The following RBL1 variants were observed in gnomAD, a reference collection of about 807,000 sequenced individuals.
The protein encoded by RBL1 is RB transcriptional corepressor like 1, also known as retinoblastoma-like protein 1.
RBL1 carries 82 observed loss-of-function variants against 123.0 expected under a neutral mutation model. The observed-to-expected ratio is 0.67, with a 90% CI of 0.56 to 0.80. The LOEUF (loss-of-function observed/expected upper bound fraction) is 0.80. Ranked by LOEUF, RBL1 falls within the 30% of genes least tolerant of loss-of-function variation. RBL1 has a pLI of 0.00. For synonymous variants in RBL1, 405 were observed against 441.3 expected (o/e 0.92, Z 1.03); for missense variants, 1,171 against 1,299.6 (o/e 0.90, Z 1.52).
intron 1 of RBL1, among the ~76,000 whole-genome samples, chr20:37,089,363 G>T (rs1376986842): frequency 6.6e-6 from 1 of 151,964 alleles, no homozygotes; most frequent in Non-Finnish European, 1.5e-5. Flanking sequence ...TTAATCTAAA[G>T]ATAAAAGCCT....
Position 37,067,132 on chromosome 20 carries a change from GAA to G in RBL1, c.557-13_557-12del, listed in dbSNP as rs371434822. On this transcript the variant is annotated splice_polypyrimidine_tract_variant and intron_variant, in intron 4 of 21. Coordinates refer to ENST00000373664, the MANE Select transcript of RBL1 (RefSeq NM_002895.5). ...TCATCCGAAAATTACCTTTATAAGG[GAA>G]AAAAAAAAAAAAAAGACACAAAAAC... is the stretch of plus-strand genomic sequence containing the variant. 0.012 allele frequency: 16,019 copies of G among 1,348,574 alleles called. No homozygotes were observed. Among genetic ancestry groups the G allele is most frequent in the Admixed American group, 0.026 (973 of 37,170 alleles). 83.5% of individuals were successfully genotyped at this position (1,348,574 alleles called of 1,614,324 possible).
chr20:37,000,918 G>A (rs1220555025), intron 21 of RBL1, among the ~76,000 whole-genome samples: 7 of 140,538 alleles, frequency 5.0e-5, no homozygotes, highest in Middle Eastern at 4.4e-3. Context: ...CCCCCCGCCC[G>A]GCCAGCCGCC....
chr20:37,092,240 G>A (rs2065659692), intron 1 of RBL1, among the ~76,000 whole-genome samples: 1 of 152,062 alleles, frequency 6.6e-6, no homozygotes. Flanking sequence ...AGAGCCTTTG[G>A]ATACAGGCTA....
chr20:37,023,802 G>A (rs1216592043), intron 16 of RBL1, among the ~76,000 whole-genome samples: 2 of 123,670 alleles, frequency 1.6e-5, no homozygotes, highest in South Asian at 5.0e-4. Context: ...TTTTTGAGAC[G>A]GAGTCTCACT....
intron 2 of RBL1, among the ~76,000 whole-genome samples, chr20:37,084,832 C>A (rs1346064831): frequency 6.6e-6 from 1 of 152,202 alleles, no homozygotes; most frequent in Non-Finnish European, 1.5e-5. Context: ...ATAGCACAAT[C>A]TCGGCTCACT....
rs749128314 is a variant in RBL1, at chr20:37,066,921, A to C, written c.686-37T>G. On this transcript the variant is annotated intron_variant, in intron 5 of 21. Transcript: ENST00000373664. ...GTGTAGGAAGGGCAGAGGGAAAAAA[A>C]AATAGTCAACTTTTAAAAATCTTTT... The C allele has an allele frequency of 5.6e-6, 9 of 1,598,920 alleles. No individual in the cohort carries two copies. The South Asian group carries it at 1.0e-4, about 18-fold the overall frequency.
chr20:37,041,030 A>G (rs1371354928), intron 13 of RBL1, among the ~76,000 whole-genome samples: 2 of 152,214 alleles, frequency 1.3e-5, no homozygotes, highest in African/African-American at 2.4e-5. Flanking sequence ...GAGTGGCCCA[A>G]TAAGTTACTG....
At chr20:37,012,925 G>GC (rs1204334159) in intron 19 of RBL1, among the ~76,000 whole-genome samples, 12 of 145,904 alleles carry the variant, frequency 8.2e-5, no homozygotes, top group Admixed American at 3.4e-4. Flanking sequence ...GGGGGGTTCA[G>GC]CCCCCCCGCC....
intron 2 of RBL1, among the ~76,000 whole-genome samples, chr20:37,069,059 C>G (rs2146306605): frequency 6.6e-6 from 1 of 152,390 alleles, no homozygotes; most frequent in South Asian, 2.1e-4. Context: ...AGGCCGGTCT[C>G]CAGCCCCTAA....
chr20:37,008,686 A>T (rs1419328876), intron 19 of RBL1, among the ~76,000 whole-genome samples: 1 of 152,238 alleles, frequency 6.6e-6, no homozygotes, highest in Non-Finnish European at 1.5e-5. Context: ...ACTGGCCTAC[A>T]AACATTGAGA....
At chr20:37,044,384 C>G in intron 12 of RBL1, 134 bp from the exon 13 acceptor site, 5 of 842,076 alleles carry the variant, frequency 5.9e-6, no homozygotes, top group Non-Finnish European at 9.0e-6. Context: ...GTTGCCCAGG[C>G]TGGAGTACAG....
intron 2 of RBL1, among the ~76,000 whole-genome samples, chr20:37,084,495 A>G (rs2065508106): frequency 6.6e-6 from 1 of 152,094 alleles, no homozygotes; most frequent in Non-Finnish European, 1.5e-5. Context: ...TTTTAAAAAG[A>G]AAAAACACCA....
chr20:37,085,647 A>ATTTTTTTTT (rs1202673380), intron 2 of RBL1, among the ~76,000 whole-genome samples: 16 of 84,606 alleles, frequency 1.9e-4, no homozygotes, highest in Non-Finnish European at 1.9e-4. Flanking sequence ...TTGAAATTTG[A>ATTTTTTTTT]TTTTTTTTTT....
intron 2 of RBL1, among the ~76,000 whole-genome samples, chr20:37,079,221 A>AAC (rs2065411617): frequency 6.6e-6 from 1 of 150,876 alleles, no homozygotes; most frequent in South Asian, 2.1e-4. Context: ...AAAAAAAAAA[A>AAC]CCCTCAAATG....
intron 1 of RBL1, among the ~76,000 whole-genome samples, chr20:37,091,423 C>T (rs1391332995): frequency 1.3e-5 from 2 of 151,580 alleles, no homozygotes; most frequent in African/African-American, 4.8e-5. Context: ...AACCCCAGCA[C>T]TTTGGGAGGC....
At position 36,998,895 on chromosome 20, in the gene RBL1, C is replaced by T. The variant is rs1701793688; in HGVS notation, c.3071G>A (p.Gly1024Asp). ...LKDINNMIRQ[G>D]EQRTKKRVIA... ...TACTCGCTTCTTGGTTCTCTGCTCA[C>T]CTTGCCTTATCATGTTGTTGATATC... is the stretch of plus-strand genomic sequence containing the variant. The change falls in exon 22 of 22, where the codon GGT becomes GAT. Residue 1024 changes from glycine (G) to aspartate (D), a missense_variant. Gly to Asp is a moderately conservative substitution (Grantham distance 94). Coordinates refer to ENST00000373664, the MANE Select transcript of RBL1 (RefSeq NM_002895.5). 6.2e-7 allele frequency: 1 copy of T among 1,613,576 alleles called. No homozygotes were observed. Among genetic ancestry groups the T allele is most frequent in the Non-Finnish European group, 8.5e-7 (1 of 1,179,808 alleles).
chr20:37,044,046 T>A lies in RBL1; in HGVS notation c.1770+40A>T, dbSNP rs763874252. ...TCAATAAAGCTGGTTTTTTTTTTTT[T>A]TTTTTTAATGATACGATTATCAGCC... On this transcript the variant is annotated intron_variant, in intron 13 of 21. Transcript: ENST00000373664. 7.0e-6 allele frequency: 10 copies of A among 1,425,706 alleles called. No homozygotes were observed. In the South Asian group the frequency reaches 1.6e-4, roughly 23 times the overall value. The allele number at this position is 1,425,706 out of a possible 1,614,324, so 88.3% of individuals were successfully genotyped here.
At position 37,002,639 on chromosome 20, in the gene RBL1, C is replaced by T. The variant is rs143409986; in HGVS notation, c.3036+1063G>A. ...CAGGCATGAGCCACCGTGCCCGGCCCTAATCTGTTTTAACAAGCCCTCCCA... is the reference window on the plus strand; with the variant it reads ...CAGGCATGAGCCACCGTGCCCGGCCTTAATCTGTTTTAACAAGCCCTCCCA... On this transcript the variant is annotated intron_variant, in intron 21 of 21. Transcript: ENST00000373664. Among the ~76,000 whole-genome samples the T allele has an allele frequency of 4.4e-3, 663 of 151,282 alleles. 7 individuals are homozygous for T. Among genetic ancestry groups the T allele is most frequent in the African/African-American group, 0.015 (637 of 41,278 alleles).
At chr20:37,067,766 C>CAAAAAAAAAA (rs1168742059) in intron 3 of RBL1, among the ~76,000 whole-genome samples, 4 of 62,682 alleles carry the variant, frequency 6.4e-5, no homozygotes, top group African/African-American at 1.6e-4. Flanking sequence ...TGAGACTCCT[C>CAAAAAAAAAA]AAAAAAAAAA....
Sources: gnomAD v4.1 joint callset for allele counts (sites outside exome capture counted in the v4.1 genomes callset) on GRCh38, gnomAD v4.1.1 for gene constraint, MANE v1.5 for transcripts, NCBI Gene and HGNC (gene_info 2026-07-23, HGNC 2026-07-21) for gene names.